Variants in PODNL1 observed in about 807,000 individuals in gnomAD.
PODNL1 encodes podocan like 1, also known as podocan-like protein 1.
PODNL1 carries 50 observed loss-of-function variants against 45.1 expected under a neutral mutation model. The observed-to-expected ratio is 1.11, with a 90% CI of 0.88 to 1.40. The LOEUF (loss-of-function observed/expected upper bound fraction) is 1.40, where lower values mean the gene tolerates loss of function less well. Among genes scored for constraint, PODNL1 ranks in the 40% most tolerant of loss-of-function variants. The pLI is 0.00. For missense variants in PODNL1, 788 were observed against 793.3 expected (o/e 0.99, Z 0.08); for synonymous variants, 406 against 372.5 (o/e 1.09, Z -1.04).
intron 1 of PODNL1, chr19:13,952,708 AGGGAGG>A: frequency 2.8e-6 from 1 of 363,020 alleles, no homozygotes; most frequent in Non-Finnish European, 3.5e-6. Context: ...AGGGAGGCGG[AGGGAGG>A]AGGGCGTTCG....
rs191831144 is a variant in PODNL1 at position 13,949,122 on chromosome 19, G to C, written c.18+3997C>G. On this transcript the variant is annotated intron_variant, in intron 1 of 7. Coordinates refer to the PODNL1 transcript ENST00000538371. ...TCATAGGAGCCCACCATCAAGCCCA[G>C]CTAATTTTTGTATTTTTAGTAGAGA... Among the ~76,000 whole-genome samples the C allele has an allele frequency of 3.7e-3, 568 of 151,860 alleles. 1 individual carries two copies. Among genetic ancestry groups the C allele is most frequent in the Non-Finnish European group, 5.3e-3 (357 of 67,962 alleles).
chr19:13,935,994 C>A lies in PODNL1; in HGVS notation c.370G>T (p.Val124Leu). ...ESLTQLQHLC[V>L]AHNKLSVAPQ... ...TGGGGGCTCACCTTGTTGTGAGCCA[C>A]GCAGAGGTGCTGCAGCTGGGTGAGG... The change falls in exon 4 of 10, where the codon GTG becomes TTG. Residue 124 changes from valine to leucine, a missense_variant. By Grantham distance (32) the Val-to-Leu change is conservative. Around this residue, in one of 3 missense-constraint regions of PODNL1, gnomAD observed 762 missense variants for 750.9 expected, o/e 1.01. Transcript: ENST00000588872. 1 of 1,552,498 alleles carries A rather than the reference C, an allele frequency of 6.4e-7. No individual in the cohort carries two copies. Among genetic ancestry groups the A allele is most frequent in the South Asian group, 1.2e-5 (1 of 84,296 alleles).
chr19:13,942,755 G>A (rs573648042), upstream of PODNL1, among the ~76,000 whole-genome samples: 61 of 151,700 alleles, frequency 4.0e-4, 2 homozygotes, highest in South Asian at 7.1e-3. Context: ...AGGCAGAGAC[G>A]GGCAGATCAT....
At chr19:13,932,735 G>T in intron 8 of PODNL1, 63 bp downstream of exon 8, 1 of 1,611,504 alleles carries the variant, frequency 6.2e-7, no homozygotes, top group Non-Finnish European at 8.5e-7. Context: ...TTGGGACGTG[G>T]CAGGGCAGGC....
In PODNL1 at chr19:13,937,765, C is replaced by T; in HGVS notation, c.225+20G>A. ...TGGGTCTCAGCCCTGCATGCCCCCA[C>T]TCCCCTCCGTGGGCCCCACCTGCAG... On this transcript the variant is annotated intron_variant, in intron 2 of 9. Transcript: ENST00000588872. 6.4e-7 allele frequency: 1 copy of T among 1,560,082 alleles called. No homozygotes were observed.
chr19:13,953,208 G>C (rs1973167094), exon 1 of PODNL1: 5 of 1,408,388 alleles, frequency 3.6e-6, no homozygotes, highest in Non-Finnish European at 4.8e-6. Context: ...AGCAGGCTCT[G>C]TCTCCTCCAT....
chr19:13,937,910 G>A lies in PODNL1; in HGVS notation c.100C>T (p.Pro34Ser). ...CGCAGGGGACAGGCCCGGGGCAGGG[G>A]CTGCAAGCTCTCCCCCAGGTGGGGG... ...AFPHLGESLQ[P>S]LPRACPLRCS... Residue 34 changes from proline (P) to serine (S), a missense_variant, in exon 2 of 10, where the codon CCC (proline) becomes TCC (serine). Transcript: ENST00000588872. The A allele has an allele frequency of 6.4e-7, 1 of 1,562,472 alleles. No homozygotes were observed. Among genetic ancestry groups the A allele is most frequent in the East Asian group, 2.4e-5 (1 of 42,538 alleles).
At chr19:13,949,970 C>T (rs1972946050) in intron 1 of PODNL1, among the ~76,000 whole-genome samples, 1 of 151,356 alleles carries the variant, frequency 6.6e-6, no homozygotes, top group South Asian at 2.1e-4. Context: ...AAGTGATTCT[C>T]CTGCCTCAGC....
At chr19:13,943,672 C>T (rs906582027) in intron 1 of PODNL1, among the ~76,000 whole-genome samples, 23 of 152,038 alleles carry the variant, frequency 1.5e-4, no homozygotes, top group African/African-American at 5.6e-4. Flanking sequence ...TCATGTTAGC[C>T]AGGATGGTTT....
At chr19:13,953,090 G>T (rs750691439) in intron 1 of PODNL1, 2 of 1,550,478 alleles carry the variant, frequency 1.3e-6, no homozygotes, top group Non-Finnish European at 8.7e-7. Context: ...CCCAAGCCCC[G>T]ACCACACATG....
Position 13,935,080 on chromosome 19 carries a change from TTGTG to T in PODNL1, c.494+637_494+640del, listed in dbSNP as rs536874907. 5.3e-4 allele frequency among the ~76,000 whole-genome samples: 80 copies of T among 151,510 alleles called. No homozygotes were observed. The South Asian group carries it at 5.8e-3, about 11-fold the overall frequency. On this transcript the variant is annotated intron_variant, in intron 5 of 9. Coordinates refer to ENST00000588872, the MANE Select transcript of PODNL1 (RefSeq NM_001370095.3). The stretch of plus-strand genomic sequence containing the variant: ...TGTGTGTGCTTGTGTGTGCATGTGA[TTGTG>T]TGTGCATGAGCATGTGTTCATGTGG...
At chr19:13,952,549 G>C in intron 1 of PODNL1, 2 of 1,265,140 alleles carry the variant, frequency 1.6e-6, no homozygotes, top group Non-Finnish European at 2.0e-6. Flanking sequence ...GAACAGCGGG[G>C]CTGGGAGCGG....
Position 13,931,877 on chromosome 19 carries a change from G to T in PODNL1, c.1585C>A (p.Leu529Ile), listed in dbSNP as rs1285193469. ...TCAGCCGCGATGCTCGTCATGTGAA[G>T]CCTGTTGGCCCTGCACAGAGAGGCG... ...LRALFLRANR[L>I]HMTSIAAEAF... The change falls in exon 10 of 10, where the codon CTT becomes ATT. Residue 529 changes from leucine (L) to isoleucine (I), a missense_variant. Leu to Ile is a conservative substitution (Grantham distance 5). Coordinates refer to ENST00000588872, the MANE Select transcript of PODNL1 (RefSeq NM_001370095.3). The T allele has an allele frequency of 2.4e-6, 3 of 1,231,928 alleles. No homozygotes were observed. Among genetic ancestry groups the T allele is most frequent in the East Asian group, 3.2e-5 (1 of 31,710 alleles). 76.3% of individuals were successfully genotyped at this position (1,231,928 alleles called of 1,614,324 possible).
chr19:13,935,219 G>C (rs930681764), intron 5 of PODNL1, among the ~76,000 whole-genome samples: 2 of 152,088 alleles, frequency 1.3e-5, no homozygotes, highest in African/African-American at 2.4e-5. Context: ...ACAGGGCCCT[G>C]TCTCCCCGCT....
chr19:13,937,955 C>CGGCGACT lies in PODNL1; in HGVS notation c.54_55insAGTCGCC (p.Gly19SerfsTer38). Reference sequence around the variant, plus strand: ...TGGGGGAAGGCAGCGTCTTCCAAGCCGGCGACGGGCGGGGGCCCCGGCAAC... The same window carrying CGGCGACT: ...TGGGGGAAGGCAGCGTCTTCCAAGCCGGCGACTGGCGACGGGCGGGGGCCCCGGCAAC... On this transcript the variant is annotated frameshift_variant, in exon 2 of 10. Transcript: ENST00000588872. LOFTEE classifies it high-confidence loss of function. 2 of 1,542,966 alleles carry CGGCGACT rather than the reference C, an allele frequency of 1.3e-6. No individual in the cohort carries two copies. Among genetic ancestry groups the CGGCGACT allele is most frequent in the Non-Finnish European group, 1.8e-6 (2 of 1,141,040 alleles).
intron 1 of PODNL1, among the ~76,000 whole-genome samples, chr19:13,950,689 G>C (rs1229502827): frequency 6.6e-6 from 1 of 152,148 alleles, no homozygotes; most frequent in Non-Finnish European, 1.5e-5. Context: ...CACTGTCTTG[G>C]AGACAGCTTT....
In PODNL1 at chr19:13,936,385, T is replaced by G. The variant is rs2145430888; in HGVS notation, c.301A>C (p.Asn101His). 4 of 1,612,716 alleles carry G rather than the reference T, an allele frequency of 2.5e-6. No individual in the cohort carries two copies. The highest frequency in any genetic ancestry group is 4.5e-5 in the East Asian group (2 of 44,856). Residue 101 changes from asparagine to histidine, a missense_variant, in exon 3 of 10, where the codon AAC becomes CAC. By Grantham distance (68) the Asn-to-His change is moderately conservative (BLOSUM62 1). Around this residue, in one of 3 missense-constraint regions of PODNL1, gnomAD observed 762 missense variants for 750.9 expected, o/e 1.01. Transcript: ENST00000588872. ...SGLRTLNLHN[N>H]LISSEGLPDE... ...CCCTCACCTTCGGAGGAGATGAGGT[T>G]GTTGTGGAGGTTGAGGGTTCGCAGG...
rs926450166 is a variant in PODNL1, at chr19:13,931,431, C to T, written c.*306G>A. On this transcript the variant is annotated 3_prime_UTR_variant, in exon 10 of 10. Transcript: ENST00000588872. ...AGCTGGACTGGTTGTGGGGAGGAGTCCGTGGACAGAGCCCCCAAAGGGTGC... is the reference window on the plus strand; with the variant it reads ...AGCTGGACTGGTTGTGGGGAGGAGTTCGTGGACAGAGCCCCCAAAGGGTGC... 1 of 304,080 alleles carries T rather than the reference C, an allele frequency of 3.3e-6. No individual in the cohort carries two copies. The highest frequency in any genetic ancestry group is 6.0e-6 in the Non-Finnish European group (1 of 166,206). 18.8% of individuals were successfully genotyped at this position (304,080 alleles called of 1,614,324 possible). A position where few individuals can be genotyped will look rare whatever the true frequency, so the allele number is the denominator to read the frequency against.
intron 5 of PODNL1, among the ~76,000 whole-genome samples, chr19:13,935,477 C>A (rs1441499033): frequency 6.6e-6 from 1 of 152,104 alleles, no homozygotes; most frequent in Non-Finnish European, 1.5e-5. Flanking sequence ...CAGGCGCACA[C>A]CACCACCCCC....
Sources: gnomAD v4.1 joint callset for allele counts (sites outside exome capture counted in the v4.1 genomes callset) on GRCh38, gnomAD v4.1.1 for gene constraint, gnomAD v4.1.1 regional missense constraint, MANE v1.5 for transcripts, NCBI Gene and HGNC (gene_info 2026-07-23, HGNC 2026-07-21) for gene names.